Variants in IGSF11 observed in about 807,000 individuals in gnomAD.
IGSF11 encodes the protein CXADR like 1.
A neutral mutation model predicts 41.0 loss-of-function variants in IGSF11; 22 were observed. That is an observed-to-expected ratio of 0.54 (90% CI 0.38 to 0.77). IGSF11 has a LOEUF of 0.77. Ranked by LOEUF, IGSF11 falls within the 30% of genes least tolerant of loss-of-function variation. IGSF11 has a pLI of 0.00. For synonymous variants in IGSF11, 219 were observed against 201.3 expected (o/e 1.09, Z -0.74); for missense variants, 444 against 530.8 (o/e 0.84, Z 1.61).
At chr3:119,029,802 T>C (rs1430337438) in intron 1 of IGSF11, among the ~76,000 whole-genome samples, 1 of 152,250 alleles carries the variant, frequency 6.6e-6, no homozygotes, top group Admixed American at 6.5e-5. Context: ...AATATTGAAC[T>C]GATGATTCTT....
At chr3:118,931,984 TG>T (rs1357947499) in intron 1 of IGSF11, among the ~76,000 whole-genome samples, 1 of 152,086 alleles carries the variant, frequency 6.6e-6, no homozygotes, top group Non-Finnish European at 1.5e-5. Flanking sequence ...CTGGCCACCT[TG>T]GCCTCCCAAA....
rs909129660 is a variant in IGSF11 at position 119,087,434 on chromosome 3, T to C, written c.49+17710A>G. Among the ~76,000 whole-genome samples the C allele has an allele frequency of 1.3e-5, 2 of 149,584 alleles. 1 individual carries two copies. The highest frequency in any genetic ancestry group is 4.2e-4 in the South Asian group (2 of 4,728). The stretch of plus-strand genomic sequence containing the variant: ...CACACACACACACACCATAGAATAC[T>C]ACTAACCCATAAAAAGGAATGAAAT... On this transcript the variant is annotated intron_variant, in intron 1 of 6. Transcript: ENST00000354673.
intron 2 of IGSF11, 62 bp downstream of exon 2, chr3:118,930,050 C>A: frequency 6.6e-7 from 1 of 1,506,444 alleles, no homozygotes; most frequent in South Asian, 1.3e-5. Flanking sequence ...ATGATGCTTC[C>A]CTACCAACCT....
At chr3:119,014,546 A>G (rs1241682175) in intron 1 of IGSF11, among the ~76,000 whole-genome samples, 11 of 152,248 alleles carry the variant, frequency 7.2e-5, no homozygotes. Context: ...TAAAGAAGTT[A>G]AAATTAGTTT....
At chr3:119,059,179 TCACACACACACACA>T (rs144416307) in intron 1 of IGSF11, among the ~76,000 whole-genome samples, 1 of 147,842 alleles carries the variant, frequency 6.8e-6, no homozygotes, top group African/African-American at 2.5e-5. Flanking sequence ...TATACACAGA[TCACACACACACACA>T]CACACACACA....
At chr3:118,993,448 T>C (rs952636987) in intron 1 of IGSF11, among the ~76,000 whole-genome samples, 3 of 152,206 alleles carry the variant, frequency 2.0e-5, no homozygotes, top group African/African-American at 7.2e-5. Flanking sequence ...TGGAAAACAG[T>C]TTGGCGATTA....
intron 1 of IGSF11, among the ~76,000 whole-genome samples, chr3:119,023,774 T>C (rs1296801971): frequency 6.6e-6 from 1 of 152,182 alleles, no homozygotes; most frequent in Non-Finnish European, 1.5e-5. Context: ...AAAGCTAACA[T>C]GCCGACCCCC....
At chr3:119,093,282 C>CT (rs1314488081) in intron 1 of IGSF11, among the ~76,000 whole-genome samples, 1 of 152,174 alleles carries the variant, frequency 6.6e-6, no homozygotes, top group Non-Finnish European at 1.5e-5. Context: ...TTTTTGGACA[C>CT]TTCCCAGGGA....
chr3:118,959,667 T>C (rs985311893), intron 1 of IGSF11, among the ~76,000 whole-genome samples: 1 of 152,192 alleles, frequency 6.6e-6, no homozygotes, highest in Non-Finnish European at 1.5e-5. Context: ...TAGGGGAGCA[T>C]GGCCTGAGGA....
intron 1 of IGSF11, among the ~76,000 whole-genome samples, chr3:119,096,259 T>C (rs1319569747): frequency 1.3e-5 from 2 of 152,012 alleles, no homozygotes; most frequent in Non-Finnish European, 2.9e-5. Flanking sequence ...CTACCCCTTA[T>C]GGCCCAGGCT....
chr3:118,940,562 T>A (rs1943605564), intron 1 of IGSF11, among the ~76,000 whole-genome samples: 1 of 152,048 alleles, frequency 6.6e-6, no homozygotes, highest in Non-Finnish European at 1.5e-5. Context: ...ACTGTGACCA[T>A]TAGTCAAAAG....
chr3:119,048,372 C>G (rs556817540), intron 1 of IGSF11, among the ~76,000 whole-genome samples: 1 of 152,256 alleles, frequency 6.6e-6, no homozygotes, highest in East Asian at 1.9e-4. Flanking sequence ...ACAAACACCT[C>G]TACGCAAATA....
Position 119,067,085 on chromosome 3 carries a change from T to A in IGSF11, c.49+38059A>T, listed in dbSNP as rs113079773. Among the ~76,000 whole-genome samples, 1,447 of 152,304 alleles carry A rather than the reference T, an allele frequency of 9.5e-3. 26 individuals carry two copies. The highest frequency in any genetic ancestry group is 0.032 in the African/African-American group (1,320 of 41,572). On this transcript the variant is annotated intron_variant, in intron 1 of 6. Transcript: ENST00000354673. ...CATTATACATCCTATTTGTCTTGCCTCAATGTAAATCTAGTAGCTTTTTAT... is the reference window on the plus strand; with the variant it reads ...CATTATACATCCTATTTGTCTTGCCACAATGTAAATCTAGTAGCTTTTTAT...
At chr3:118,935,475 A>C (rs1443511903) in intron 1 of IGSF11, among the ~76,000 whole-genome samples, 1 of 150,502 alleles carries the variant, frequency 6.6e-6, no homozygotes, top group African/African-American at 2.4e-5. Context: ...AGATGCCAAA[A>C]GAGACTTTTA....
chr3:119,074,424 A>G (rs1180364886), intron 1 of IGSF11, among the ~76,000 whole-genome samples: 2 of 152,128 alleles, frequency 1.3e-5, no homozygotes, highest in African/African-American at 4.8e-5. Context: ...TTGGGTAAAC[A>G]ATAAAATTAA....
chr3:118,904,162 CT>C (rs1218414661), intron 6 of IGSF11, among the ~76,000 whole-genome samples: 1 of 152,184 alleles, frequency 6.6e-6, no homozygotes, highest in Middle Eastern at 3.2e-3. Context: ...ACTAGAGTCA[CT>C]TTTCTTTAAA....
At chr3:119,097,957 ATTTTTTTTTTTTTT>A (rs377746200) in intron 1 of IGSF11, among the ~76,000 whole-genome samples, 7 of 58,360 alleles carry the variant, frequency 1.2e-4, no homozygotes, top group Non-Finnish European at 1.0e-4. Context: ...CATTCAGCTA[ATTTTTTTTTTTTTT>A]TTTTTTTTTT....
At chr3:119,054,033 C>G (rs1217579242) in intron 1 of IGSF11, among the ~76,000 whole-genome samples, 2 of 152,182 alleles carry the variant, frequency 1.3e-5, no homozygotes, top group African/African-American at 4.8e-5. Context: ...GGATCAAAGA[C>G]TTGAATCCAA....
intron 1 of IGSF11, among the ~76,000 whole-genome samples, chr3:119,094,368 A>T (rs1290817480): frequency 6.6e-6 from 1 of 151,612 alleles, no homozygotes; most frequent in African/African-American, 2.4e-5. Flanking sequence ...CAACATACAC[A>T]TGGGTAGTGG....
Sources: gnomAD v4.1 joint callset for allele counts (sites outside exome capture counted in the v4.1 genomes callset) on GRCh38, gnomAD v4.1.1 for gene constraint, MANE v1.5 for transcripts, NCBI Gene and HGNC (gene_info 2026-07-23, HGNC 2026-07-21) for gene names.